Variants in FSD2 observed in about 807,000 individuals in gnomAD.
The protein encoded by FSD2 is fibronectin type III and SPRY domain-containing protein 2.
FSD2 carries 71 observed loss-of-function variants against 80.4 expected under a neutral mutation model. The ratio of observed to expected loss-of-function variants is 0.88; its 90% CI spans 0.73 to 1.08. FSD2 has a LOEUF of 1.08. Among genes scored for constraint, FSD2 ranks in the 50% least tolerant of loss-of-function variants. The pLI is 0.00. For missense variants in FSD2, 923 were observed against 913.8 expected, an observed-to-expected ratio of 1.01 and a Z score of -0.13; for synonymous variants, 361 against 329.5, an observed-to-expected ratio of 1.10 and a Z score of -1.03.
intron 12 of FSD2, among the ~76,000 whole-genome samples, chr15:82,759,827 T>C (rs1303460945): frequency 6.6e-6 from 1 of 151,760 alleles, no homozygotes; most frequent in Non-Finnish European, 1.5e-5. Flanking sequence ...GGAGTCTTGC[T>C]CTGTCACCCA....
At chr15:82,770,034 C>T in intron 7 of FSD2, 150 bp from the exon 8 acceptor site, 1 of 830,624 alleles carries the variant, frequency 1.2e-6, no homozygotes, top group Non-Finnish European at 1.9e-6. Context: ...GACTTTGCTG[C>T]TCCTTCCATT....
At chr15:82,789,659 C>CT (rs2050093398) in intron 1 of FSD2, among the ~76,000 whole-genome samples, 1 of 152,176 alleles carries the variant, frequency 6.6e-6, no homozygotes, top group Admixed American at 6.6e-5. Context: ...GTGTAATTGA[C>CT]TGGAGGTTTC....
intron 12 of FSD2, among the ~76,000 whole-genome samples, chr15:82,760,902 C>T (rs2049282540): frequency 6.6e-6 from 1 of 152,176 alleles, no homozygotes; most frequent in South Asian, 2.1e-4. Flanking sequence ...GACTTCTAGG[C>T]TTTCTTTATG....
At chr15:82,769,981 C>A in intron 7 of FSD2, 97 bp from the exon 8 acceptor site, 1 of 1,420,986 alleles carries the variant, frequency 7.0e-7, no homozygotes, top group African/African-American at 1.4e-5. Context: ...ACAAAACTGG[C>A]TATAAATTCC....
chr15:82,762,019 G>A, intron 12 of FSD2, 83 bp downstream of exon 12: 1 of 1,152,568 alleles, frequency 8.7e-7, no homozygotes, highest in Non-Finnish European at 1.2e-6. Context: ...TATAACGTGT[G>A]TCTTAATTAT....
In FSD2 at chr15:82,778,836, AG is replaced by A. The variant is rs1361487657; in HGVS notation, c.1040del (p.Pro347LeufsTer16). ...AATCCAAGGTCTGGTCTTCAAACTC[AG>A]GCTGTGCAGAGATTTCCACGTCTGT... ...TKTDVEISAQPEFEDQTLDFS... is the reference protein window; with the variant it reads ...TKTDVEISAQXEFEDQTLDFS... On this transcript the variant is annotated frameshift_variant, in exon 6 of 13. Transcript: ENST00000334574. LOFTEE classifies it high-confidence loss of function. 1 of 1,613,854 alleles carries A rather than the reference AG, an allele frequency of 6.2e-7. No homozygotes were observed. The highest frequency in any genetic ancestry group is 8.5e-7 in the Non-Finnish European group (1 of 1,179,778).
intron 6 of FSD2, among the ~76,000 whole-genome samples, chr15:82,775,352 C>T (rs113220646): frequency 3.3e-5 from 5 of 151,602 alleles, no homozygotes; most frequent in African/African-American, 4.8e-5. Context: ...GAGCTGAGAT[C>T]GCACCATTGC....
chr15:82,787,466 G>T lies in FSD2; in HGVS notation c.-76C>A. ...TGGACACTTAATAGTGAATATCTGGGCCCTGGAACACAAAAGGAGGAGGAA... is the reference window on the plus strand; with the variant it reads ...TGGACACTTAATAGTGAATATCTGGTCCCTGGAACACAAAAGGAGGAGGAA... On this transcript the variant is annotated splice_region_variant and 5_prime_UTR_variant, in exon 2 of 13. Coordinates refer to ENST00000334574, the MANE Select transcript of FSD2 (RefSeq NM_001007122.4). The T allele has an allele frequency of 1.4e-6, 2 of 1,408,054 alleles. No individual in the cohort carries two copies. Among genetic ancestry groups the T allele is most frequent in the Non-Finnish European group, 1.9e-6 (2 of 1,042,090 alleles). 87.2% of individuals were successfully genotyped at this position (1,408,054 alleles called of 1,614,324 possible).
At chr15:82,798,832 T>C (rs1596265299) in intron 1 of FSD2, among the ~76,000 whole-genome samples, 1 of 152,100 alleles carries the variant, frequency 6.6e-6, no homozygotes, top group South Asian at 2.1e-4. Context: ...CCAAACTATA[T>C]TTTTAAAAAG....
chr15:82,784,255 A>T (rs76990805), intron 3 of FSD2, among the ~76,000 whole-genome samples: 22,197 of 150,076 alleles, frequency 0.15, 1,768 homozygotes, highest in South Asian at 0.34. Flanking sequence ...ATTTTATTTT[A>T]TTTTTTTTTT....
chr15:82,800,773 G>GA (rs2050394705), intron 1 of FSD2, among the ~76,000 whole-genome samples: 1 of 142,624 alleles, frequency 7.0e-6, no homozygotes, highest in African/African-American at 2.6e-5. Flanking sequence ...GAAGACCCAA[G>GA]AAGCTATAAC....
At chr15:82,795,222 T>C (rs2050236558) in intron 1 of FSD2, among the ~76,000 whole-genome samples, 1 of 152,212 alleles carries the variant, frequency 6.6e-6, no homozygotes, top group African/African-American at 2.4e-5. Context: ...GTAGACAACA[T>C]AGAGTTGGCT....
intron 1 of FSD2, among the ~76,000 whole-genome samples, chr15:82,791,944 C>A (rs535539080): frequency 1.2e-4 from 18 of 152,294 alleles, no homozygotes; most frequent in Non-Finnish European, 2.2e-4. Flanking sequence ...GAAAAGTATT[C>A]CGTTGTATGG....
chr15:82,804,535 T>C (rs916594608), intron 1 of FSD2, among the ~76,000 whole-genome samples: 3 of 152,110 alleles, frequency 2.0e-5, no homozygotes, highest in Non-Finnish European at 4.4e-5. Context: ...GGTGAAGAGC[T>C]TGGATTCAAA....
chr15:82,803,890 T>C (rs186445233), intron 1 of FSD2, among the ~76,000 whole-genome samples: 67 of 152,262 alleles, frequency 4.4e-4, no homozygotes, highest in African/African-American at 1.5e-3. Context: ...TTCAGGAAAA[T>C]CATCTCTCTA....
At position 82,759,505 on chromosome 15, in the gene FSD2, G is replaced by A; in HGVS notation, c.2093C>T (p.Ser698Leu). 1 of 1,612,330 alleles carries A rather than the reference G, an allele frequency of 6.2e-7. No homozygotes were observed. The highest frequency in any genetic ancestry group is 8.5e-7 in the Non-Finnish European group (1 of 1,179,040). ...GTCCACATTGAAAAATGACAACTTT[G>A]AATGTTCATAGTCTAATAGAATGCC... ...KIGILLDYEHSKLSFFNVDLS... is the reference protein window; with the variant it reads ...KIGILLDYEHLKLSFFNVDLS... Residue 698 changes from serine (S) to leucine (L), a missense_variant, in exon 13 of 13, where the codon TCA (serine) becomes TTA (leucine). Transcript: ENST00000334574.
chr15:82,760,151 C>T (rs974746616), intron 12 of FSD2, among the ~76,000 whole-genome samples: 2 of 152,162 alleles, frequency 1.3e-5, no homozygotes, highest in South Asian at 2.1e-4. Flanking sequence ...AGAAATTTAC[C>T]TATAGCATCC....
At chr15:82,779,233 C>T (rs1487691476) in intron 5 of FSD2, among the ~76,000 whole-genome samples, 6 of 152,138 alleles carry the variant, frequency 3.9e-5, no homozygotes, top group African/African-American at 1.4e-4. Flanking sequence ...ACTCCAGGCC[C>T]AAGAGGTACT....
chr15:82,765,072 G>C (rs553795957), intron 11 of FSD2, 94 bp downstream of exon 11: 1 of 1,388,558 alleles, frequency 7.2e-7, no homozygotes, highest in Non-Finnish European at 9.6e-7. Flanking sequence ...CTTTTCCCTC[G>C]AGGCTGCCTC....
Sources: allele counts gnomAD v4.1 joint callset (sites outside exome capture counted in the v4.1 genomes callset), GRCh38; gene constraint gnomAD v4.1.1; transcripts MANE v1.5; gene names NCBI Gene and HGNC (gene_info 2026-07-23, HGNC 2026-07-21).